The following NCAN variants were observed in gnomAD, a reference collection of about 807,000 sequenced individuals.
NCAN encodes neurocan.
A neutral mutation model predicts 121.8 loss-of-function variants in NCAN; 47 were observed. The ratio of observed to expected loss-of-function variants is 0.39; its 90% CI spans 0.31 to 0.49. The LOEUF (loss-of-function observed/expected upper bound fraction) is 0.49, where lower values mean the gene tolerates loss of function less well. Ranked by LOEUF, NCAN falls within the 20% of genes least tolerant of loss-of-function variation. The pLI is 0.92. For missense variants in NCAN, 1,517 were observed against 1,773.4 expected (o/e 0.86, Z 2.60); for synonymous variants, 633 against 702.0 (o/e 0.90, Z 1.55).
intron 14 of NCAN, 81 bp downstream of exon 14, chr19:19,248,963 A>G: frequency 2.0e-6 from 3 of 1,466,848 alleles, no homozygotes; most frequent in Non-Finnish European, 1.9e-6. Context: ...TTCTCCACAC[A>G]TTGATCTGGC....
chr19:19,225,027 C>G lies in NCAN; in HGVS notation c.829C>G (p.Arg277Gly), dbSNP rs1356474730. 2.7e-6 allele frequency: 4 copies of G among 1,493,018 alleles called. No homozygotes were observed. The highest frequency in any genetic ancestry group is 4.6e-5 in the Admixed American group (2 of 43,826). The allele number at this position is 1,493,018 out of a possible 1,614,324, so 92.5% of individuals were successfully genotyped here. A position where few individuals can be genotyped will look rare whatever the true frequency, so the allele number is the denominator to read the frequency against. ...PARRLTLAGA[R>G]AQCRRQGAAL... ...CCGCCGCCTGACACTGGCCGGCGCG[C>G]GTGCACAGTGCCGCCGCCAGGGTGC... is the stretch of plus-strand genomic sequence containing the variant. Residue 277 changes from arginine to glycine, a missense_variant, in exon 6 of 15, where the codon CGT becomes GGT. Transcript: ENST00000252575. The surrounding 1 kb of genome is among the most constrained non-coding windows in gnomAD (Gnocchi z 4.0).
chr19:19,217,706 G>C (rs1214620874), intron 2 of NCAN, among the ~76,000 whole-genome samples: 1 of 152,228 alleles, frequency 6.6e-6, no homozygotes, highest in Non-Finnish European at 1.5e-5. Context: ...AAAGTGAGGG[G>C]CTAGGCACAG....
In NCAN at chr19:19,228,616, C is replaced by G; in HGVS notation, c.2996C>G (p.Pro999Arg). The G allele has an allele frequency of 3.7e-6, 6 of 1,611,572 alleles. No homozygotes were observed. Among genetic ancestry groups the G allele is most frequent in the Non-Finnish European group, 4.2e-6 (5 of 1,179,070 alleles). ...GAGGAGCCAGCCCTGCCAGGGACCC[C>G]TATGAATGCAGGTGCGGAGGAGGGT... ...SGEEPALPGTPMNAGAEEVHS... is the reference protein window; with the variant it reads ...SGEEPALPGTRMNAGAEEVHS... Residue 999 changes from proline (P) to arginine (R), a missense_variant, in exon 8 of 15, where the codon CCT becomes CGT. By Grantham distance (103) the Pro-to-Arg change is moderately radical. Transcript: ENST00000252575.
intron 8 of NCAN, 46 bp downstream of exon 8, chr19:19,228,685 G>T (rs1225215442): frequency 6.5e-7 from 1 of 1,546,480 alleles, no homozygotes. Flanking sequence ...CATGGTCAGG[G>T]CTTGGGGAGC....
At position 19,224,186 on chromosome 19, in the gene NCAN, G is replaced by A. The variant is rs112606625; in HGVS notation, c.641G>A (p.Arg214His). Residue 214 changes from arginine to histidine, a missense_variant, in exon 4 of 15, where the codon CGC becomes CAC. Arg to His is a conservative substitution (Grantham distance 29, BLOSUM62 0). Transcript: ENST00000252575. ...DNCDAGWLSDRTVRYPITQSR... is the reference protein window; with the variant it reads ...DNCDAGWLSDHTVRYPITQSR... ...TGTGATGCTGGCTGGCTCTCTGACC[G>A]CACTGTTCGGTGAGGGGGATACACA... The A allele has an allele frequency of 1.1e-5, 17 of 1,589,828 alleles. No individual in the cohort carries two copies. The highest frequency in any genetic ancestry group is 1.3e-5 in the African/African-American group (1 of 74,530).
chr19:19,241,428 T>C (rs1029169830), intron 12 of NCAN, among the ~76,000 whole-genome samples: 8 of 151,596 alleles, frequency 5.3e-5, no homozygotes, highest in African/African-American at 1.9e-4. Context: ...ACCCTGTCTC[T>C]AAAAACATAT....
rs762702391 is a variant in NCAN, at chr19:19,219,040, C to A, written c.199C>A (p.Pro67Thr). 4 of 1,611,690 alleles carry A rather than the reference C, an allele frequency of 2.5e-6. No individual in the cohort carries two copies. The East Asian group carries it at 8.9e-5, about 36-fold the overall frequency. ...LPCLFTLQPRPSAARDAPRIK... is the reference protein window; with the variant it reads ...LPCLFTLQPRTSAARDAPRIK... Reference sequence around the variant, plus strand: ...CTGTCTCTTTACCCTGCAGCCACGGCCAAGCGCAGCCCGAGATGCCCCTCG... The same window carrying A: ...CTGTCTCTTTACCCTGCAGCCACGGACAAGCGCAGCCCGAGATGCCCCTCG... The change falls in exon 3 of 15, where the codon CCA becomes ACA. Residue 67 changes from proline to threonine, a missense_variant. Physicochemically the swap from Pro to Thr is conservative, Grantham distance 38. Transcript: ENST00000252575.
In NCAN at chr19:19,212,313, G is replaced by A. The variant is rs917049048; in HGVS notation, c.-8+249G>A. Among the ~76,000 whole-genome samples, 6 of 152,068 alleles carry A rather than the reference G, an allele frequency of 3.9e-5. No homozygotes were observed. The highest frequency in any genetic ancestry group is 1.2e-4 in the African/African-American group (5 of 41,392). ...CGGAGACTACCCCCCGGTGGGGAGG[G>A]GGCCGGGCTGGGGGTGGGTCTCAGG... On this transcript the variant is annotated intron_variant, in intron 1 of 14. Coordinates refer to ENST00000252575, the MANE Select transcript of NCAN (RefSeq NM_004386.3). This position sits in a 1 kb window ranked among gnomAD's most constrained non-coding sequence, Gnocchi z 4.5.
rs1412315323 is a variant in NCAN, at chr19:19,227,438, C to T, written c.1818C>T (p.Pro606=). 8 of 1,613,534 alleles carry T rather than the reference C, an allele frequency of 5.0e-6. No individual in the cohort carries two copies. In the African/African-American group the frequency reaches 5.3e-5, roughly 11 times the overall value. The change falls in exon 8 of 15, where the codon CCC becomes CCT. Residue 606 remains proline (P), a synonymous_variant. Coordinates refer to ENST00000252575, the MANE Select transcript of NCAN (RefSeq NM_004386.3). This position sits in a 1 kb window ranked among gnomAD's most constrained non-coding sequence, Gnocchi z 4.2. ...CCACCCCAGACCTGTTTTGGTCCCC[C>T]TTGGAGGCCACTGTCTCAGCTCCCA... ...RPATPDLFWS[P]LEATVSAPSP...
chr19:19,241,502 C>A (rs2146555534), intron 12 of NCAN, among the ~76,000 whole-genome samples: 1 of 151,956 alleles, frequency 6.6e-6, no homozygotes, highest in African/African-American at 2.4e-5. Context: ...GATAAAAATT[C>A]CCCTTCTCCC....
intron 1 of NCAN, among the ~76,000 whole-genome samples, chr19:19,213,509 G>C (rs913375536): frequency 4.7e-5 from 7 of 150,080 alleles, no homozygotes; most frequent in African/African-American, 1.7e-4. Context: ...TTTATGTGGG[G>C]GGGGGGGGGC....
chr19:19,249,424 G>A (rs1402075418), intron 14 of NCAN, among the ~76,000 whole-genome samples: 2 of 151,836 alleles, frequency 1.3e-5, no homozygotes, highest in African/African-American at 2.4e-5. Context: ...GCTGGAGTGC[G>A]AGGCTCAATC....
chr19:19,218,012 C>T (rs2060802123), intron 2 of NCAN, among the ~76,000 whole-genome samples: 2 of 151,168 alleles, frequency 1.3e-5, no homozygotes, highest in African/African-American at 4.9e-5. Flanking sequence ...GGTGTAGTGG[C>T]TCACCCCTAT....
intron 11 of NCAN, among the ~76,000 whole-genome samples, chr19:19,240,145 C>G (rs577702151): frequency 1.3e-5 from 2 of 148,554 alleles, no homozygotes; most frequent in South Asian, 4.4e-4. Flanking sequence ...TGCCCCTCCT[C>G]CCTTTCACTC....
At position 19,251,412 on chromosome 19, in the gene NCAN, T is replaced by G. The variant is rs1346734482; in HGVS notation, c.*1501T>G. The G allele has an allele frequency of 6.6e-6, 1 of 152,188 alleles. No homozygotes were observed. Among genetic ancestry groups the G allele is most frequent in the African/African-American group, 2.4e-5 (1 of 41,430 alleles). The allele number at this position is 152,188 out of a possible 1,614,324, so 9.4% of individuals were successfully genotyped here. On this transcript the variant is annotated 3_prime_UTR_variant, in exon 15 of 15. Coordinates refer to ENST00000252575, the MANE Select transcript of NCAN (RefSeq NM_004386.3). ...GCCCATTGACTTAGAAACTGTTACT[T>G]TCCCATTTTACACACAGTGAAACTG...
chr19:19,247,114 G>A (rs2060927085), intron 13 of NCAN, among the ~76,000 whole-genome samples: 2 of 151,800 alleles, frequency 1.3e-5, no homozygotes, highest in Admixed American at 1.3e-4. Context: ...ACAGGGTCTT[G>A]CAATGTTGCC....
At chr19:19,221,007 A>G (rs1188953474) in intron 3 of NCAN, among the ~76,000 whole-genome samples, 1 of 152,080 alleles carries the variant, frequency 6.6e-6, no homozygotes, top group Non-Finnish European at 1.5e-5. Context: ...CCAAGGCAGG[A>G]GAATCACTTA....
Position 19,227,388 on chromosome 19 carries a change from G to A in NCAN, c.1768G>A (p.Ala590Thr), listed in dbSNP as rs2060841456. ...SRAPVLELEK[A>T]EGPSARPATP... ...GGCCCCTGTCCTGGAGCTAGAGAAA[G>A]CCGAGGGCCCCAGTGCCAGGCCAGC... The change falls in exon 8 of 15, where the codon GCC becomes ACC. Residue 590 changes from alanine (A) to threonine (T), a missense_variant. Ala to Thr is a moderately conservative substitution (Grantham distance 58). Coordinates refer to ENST00000252575, the MANE Select transcript of NCAN (RefSeq NM_004386.3). The surrounding 1 kb of genome is among the most constrained non-coding windows in gnomAD (Gnocchi z 4.2). The A allele has an allele frequency of 2.5e-6, 4 of 1,613,620 alleles. No homozygotes were observed. The Admixed American group carries it at 6.7e-5, about 27-fold the overall frequency.
chr19:19,240,912 A>C (rs1053225997), intron 12 of NCAN, among the ~76,000 whole-genome samples: 1 of 152,000 alleles, frequency 6.6e-6, no homozygotes, highest in Admixed American at 6.6e-5. Context: ...GAGGTTACAA[A>C]CCTGAGACTA....
Sources: gnomAD v4.1 joint callset for allele counts (sites outside exome capture counted in the v4.1 genomes callset) on GRCh38, gnomAD v4.1.1 for gene constraint, Gnocchi (gnomAD v3.1) non-coding constraint, MANE v1.5 for transcripts, NCBI Gene and HGNC (gene_info 2026-07-23, HGNC 2026-07-21) for gene names.